The following SEMA6D variants were observed in gnomAD, a reference collection of about 807,000 sequenced individuals.
SEMA6D encodes semaphorin-6D.
A neutral mutation model predicts 106.6 loss-of-function variants in SEMA6D; 35 were observed. The observed-to-expected ratio is 0.33, with a 90% CI of 0.25 to 0.44. The LOEUF is 0.44. SEMA6D is among the 20% of genes least tolerant of loss of function. The pLI is 1.00. For missense variants in SEMA6D, 1,185 were observed against 1,345.9 expected (o/e 0.88, Z 1.87); for synonymous variants, 499 against 487.7 (o/e 1.02, Z -0.31).
rs187661205 is a variant in SEMA6D at position 47,439,353 on chromosome 15, T to C, written c.-159+26881T>C. Among the ~76,000 whole-genome samples the C allele has an allele frequency of 2.0e-3, 308 of 152,296 alleles. 13 individuals are homozygous for C. The South Asian group carries it at 0.049, about 24-fold the overall frequency. The stretch of plus-strand genomic sequence containing the variant: ...TCAATACTTACAGTCTCCGTATTTA[T>C]ACAGATCAGGCCCTTAGAAGTCTTT... On this transcript the variant is annotated intron_variant, in intron 2 of 19. Transcript: ENST00000558014.
chr15:47,686,607 A>G (rs1056850954), intron 4 of SEMA6D, among the ~76,000 whole-genome samples: 1 of 152,196 alleles, frequency 6.6e-6, no homozygotes, highest in African/African-American at 2.4e-5. Context: ...TAGTTCCAGT[A>G]TCATTTTCTC....
intron 1 of SEMA6D, among the ~76,000 whole-genome samples, chr15:47,185,994 A>G (rs148030486): frequency 5.3e-5 from 8 of 152,250 alleles, no homozygotes; most frequent in African/African-American, 1.7e-4. Flanking sequence ...ATATAAATAT[A>G]TATGTACAAG....
chr15:47,354,427 C>G (rs1261081034), intron 1 of SEMA6D, among the ~76,000 whole-genome samples: 1 of 143,984 alleles, frequency 6.9e-6, no homozygotes, highest in African/African-American at 2.6e-5. Context: ...ATACATATAC[C>G]TATATATATG....
rs556953194 is a variant in SEMA6D at position 47,257,304 on chromosome 15, G to A, written c.-239+72886G>A. 5.9e-5 allele frequency among the ~76,000 whole-genome samples: 9 copies of A among 152,170 alleles called. No individual in the cohort carries two copies. The South Asian group carries it at 1.5e-3, about 25-fold the overall frequency. Reference sequence around the variant, plus strand: ...CATCTCCTGACTTCGTGATCCACCCGCCTTGGCCCCCCAAAGTTCTGGGAT... The same window carrying A: ...CATCTCCTGACTTCGTGATCCACCCACCTTGGCCCCCCAAAGTTCTGGGAT... On this transcript the variant is annotated intron_variant, in intron 1 of 19. Transcript: ENST00000558014.
At chr15:47,564,996 C>G (rs1403722660) in intron 3 of SEMA6D, among the ~76,000 whole-genome samples, 4 of 152,152 alleles carry the variant, frequency 2.6e-5, no homozygotes, top group Non-Finnish European at 5.9e-5. Flanking sequence ...AGTTCCCTTT[C>G]CCACTGAGAG....
At chr15:47,463,847 T>TA (rs1470203656) in intron 2 of SEMA6D, among the ~76,000 whole-genome samples, 1 of 152,126 alleles carries the variant, frequency 6.6e-6, no homozygotes, top group Non-Finnish European at 1.5e-5. Context: ...CCTTGCCTCT[T>TA]CCAGCTTCTG....
At chr15:47,372,889 A>C (rs2039324187) in intron 1 of SEMA6D, among the ~76,000 whole-genome samples, 1 of 152,234 alleles carries the variant, frequency 6.6e-6, no homozygotes, top group Admixed American at 6.5e-5. Flanking sequence ...GCTTAAGGAA[A>C]GAAATAGAAT....
chr15:47,336,361 A>G (rs2037556619), intron 1 of SEMA6D, among the ~76,000 whole-genome samples: 1 of 152,158 alleles, frequency 6.6e-6, no homozygotes, highest in Non-Finnish European at 1.5e-5. Context: ...CCAAGTCCAC[A>G]TAGTGCAGAG....
intron 1 of SEMA6D, among the ~76,000 whole-genome samples, chr15:47,352,786 A>G (rs1340637252): frequency 6.6e-6 from 1 of 152,200 alleles, no homozygotes; most frequent in Non-Finnish European, 1.5e-5. Flanking sequence ...CTTTTTGAAC[A>G]TTAAGTATAC....
At chr15:47,512,225 A>G (rs907155377) in intron 3 of SEMA6D, among the ~76,000 whole-genome samples, 3 of 152,146 alleles carry the variant, frequency 2.0e-5, no homozygotes, top group African/African-American at 7.2e-5. Flanking sequence ...GGTGCTATTT[A>G]TGTTGTGATT....
At chr15:47,188,968 C>A (rs911794333) in intron 1 of SEMA6D, among the ~76,000 whole-genome samples, 1 of 152,166 alleles carries the variant, frequency 6.6e-6, no homozygotes, top group Non-Finnish European at 1.5e-5. Context: ...CCAACCCTGA[C>A]TTTAATGACA....
intron 1 of SEMA6D, among the ~76,000 whole-genome samples, chr15:47,394,276 C>T (rs16959405): frequency 2.5e-3 from 378 of 152,190 alleles, no homozygotes; most frequent in African/African-American, 8.8e-3. Context: ...CTTAGTTTCT[C>T]AAACTGAAAT....
chr15:47,255,420 T>A (rs2033754664), intron 1 of SEMA6D, among the ~76,000 whole-genome samples: 1 of 152,106 alleles, frequency 6.6e-6, no homozygotes, highest in Non-Finnish European at 1.5e-5. Flanking sequence ...ATTTTTTTAA[T>A]CTCTATTTTG....
intron 2 of SEMA6D, among the ~76,000 whole-genome samples, chr15:47,449,405 G>A (rs1452077827): frequency 6.6e-6 from 1 of 151,974 alleles, no homozygotes; most frequent in Non-Finnish European, 1.5e-5. Flanking sequence ...ACTGGAGAAG[G>A]GGTTACAGGA....
intron 1 of SEMA6D, among the ~76,000 whole-genome samples, chr15:47,732,980 AT>A (rs879742330): frequency 1.2e-4 from 19 of 152,324 alleles, no homozygotes; most frequent in Non-Finnish European, 2.5e-4. Flanking sequence ...TTATGAAGGC[AT>A]TTTTATCTCT....
chr15:47,537,354 G>A (rs2045201224), intron 3 of SEMA6D, among the ~76,000 whole-genome samples: 1 of 152,140 alleles, frequency 6.6e-6, no homozygotes, highest in South Asian at 2.1e-4. Flanking sequence ...GTTTAGTCAG[G>A]AAACGTGGTA....
intron 1 of SEMA6D, among the ~76,000 whole-genome samples, chr15:47,238,246 C>CG: frequency 6.6e-6 from 1 of 152,020 alleles, no homozygotes; most frequent in Middle Eastern, 3.2e-3. Context: ...GCTGTAAACT[C>CG]GTCATTGGAG....
chr15:47,262,344 T>C (rs1387931005), intron 1 of SEMA6D, among the ~76,000 whole-genome samples: 2 of 152,140 alleles, frequency 1.3e-5, no homozygotes, highest in Non-Finnish European at 2.9e-5. Flanking sequence ...ATACTCGAGA[T>C]TGAGCAATTT....
rs1006087278 is a variant in SEMA6D, at chr15:47,253,647, T to C, written c.-239+69229T>C. Among the ~76,000 whole-genome samples the C allele has an allele frequency of 3.9e-5, 6 of 152,114 alleles. No homozygotes were observed. In the East Asian group the frequency reaches 9.6e-4, roughly 24 times the overall value. On this transcript the variant is annotated intron_variant, in intron 1 of 19. Coordinates refer to the SEMA6D transcript ENST00000558014. ...TCCCCAACATATGTTCTTGGCACCA[T>C]TGTGAAAAATAATTTGGCTGTGGAT... is the stretch of plus-strand genomic sequence containing the variant.
Sources: gnomAD v4.1 joint callset for allele counts (sites outside exome capture counted in the v4.1 genomes callset) on GRCh38, gnomAD v4.1.1 for gene constraint, MANE v1.5 for transcripts, NCBI Gene and HGNC (gene_info 2026-07-23, HGNC 2026-07-21) for gene names.